MAP4K4: variants seen among roughly 807,000 people sequenced by gnomAD.
MAP4K4 encodes the protein mitogen-activated protein kinase kinase kinase kinase 4, also known as HPK/GCK-like kinase HGK.
In MAP4K4, 38 loss-of-function variants were observed where a neutral mutation model predicts 189.6. That is an observed-to-expected ratio of 0.20 (90% confidence interval 0.15 to 0.26). The LOEUF (loss-of-function observed/expected upper bound fraction) is 0.26, where lower values mean the gene tolerates loss of function less well. Among genes scored for constraint, MAP4K4 ranks in the 10% least tolerant of loss-of-function variants. The pLI is 1.00. For synonymous variants in MAP4K4, 610 were observed against 624.3 expected, an observed-to-expected ratio of 0.98 and a Z score of 0.34; for missense variants, 1,054 against 1,726.9, an observed-to-expected ratio of 0.61 and a Z score of 6.91.
intron 8 of MAP4K4, 130 bp from the exon 9 acceptor site, chr2:101,835,770 A>G (rs1235835882): frequency 3.2e-6 from 2 of 617,148 alleles, no homozygotes; most frequent in African/African-American, 3.7e-5. Context: ...CTAGATGTCT[A>G]GACTGCTTGG....
intron 3 of MAP4K4, among the ~76,000 whole-genome samples, chr2:101,810,229 A>C (rs1036005065): frequency 6.6e-6 from 1 of 152,208 alleles, no homozygotes; most frequent in Non-Finnish European, 1.5e-5. Flanking sequence ...TCTAAGATAC[A>C]TTCCTCAGCA....
intron 2 of MAP4K4, among the ~76,000 whole-genome samples, chr2:101,705,099 C>T (rs2041577793): frequency 6.6e-6 from 1 of 152,124 alleles, no homozygotes; most frequent in Non-Finnish European, 1.5e-5. Context: ...AGTTTTAGGA[C>T]ATCCCGTTTT....
chr2:101,858,667 T>G (rs2097548145), intron 13 of MAP4K4, among the ~76,000 whole-genome samples: 1 of 152,240 alleles, frequency 6.6e-6, no homozygotes, highest in African/African-American at 2.4e-5. Context: ...AATCTTGATT[T>G]CTCTGGGGTT....
intron 3 of MAP4K4, among the ~76,000 whole-genome samples, chr2:101,794,953 A>T (rs184357614): frequency 2.6e-4 from 39 of 152,154 alleles, no homozygotes; most frequent in African/African-American, 8.9e-4. Context: ...TTTCCTGTAG[A>T]CTGGAAATAT....
chr2:101,701,367 G>A (rs2038620515), intron 2 of MAP4K4, among the ~76,000 whole-genome samples: 1 of 152,184 alleles, frequency 6.6e-6, no homozygotes, highest in Non-Finnish European at 1.5e-5. Flanking sequence ...GGGGAGGGGT[G>A]TGTGTGGCAG....
At chr2:101,836,778 T>C (rs1361035188) in intron 9 of MAP4K4, among the ~76,000 whole-genome samples, 1 of 152,176 alleles carries the variant, frequency 6.6e-6, no homozygotes, top group Non-Finnish European at 1.5e-5. Context: ...CACTTTTCCT[T>C]CTCCTTGTAA....
chr2:101,856,077 G>A (rs1327661985), exon 13 of MAP4K4: 6 of 1,551,516 alleles, frequency 3.9e-6, no homozygotes, highest in South Asian at 1.2e-5. Flanking sequence ...GAGAGAAGGC[G>A]CAAAGAAGAA....
At chr2:101,873,596 T>C in intron 24 of MAP4K4, 51 bp from the exon 25 acceptor site, 2 of 966,304 alleles carry the variant, frequency 2.1e-6, no homozygotes, top group Non-Finnish European at 3.3e-6. Context: ...ATTTTTAATG[T>C]TCATTTTTAA....
chr2:101,719,697 C>T lies in MAP4K4; in HGVS notation c.123+21159C>T, dbSNP rs565516927. On this transcript the variant is annotated intron_variant, in intron 2 of 32. Coordinates refer to ENST00000324219, the Ensembl canonical transcript of MAP4K4. ...GTCGTGTTGGAATAGAAAATTCAAG[C>T]GCCTGATTGTGAGAATAAGAGTTCA... Among the ~76,000 whole-genome samples the T allele has an allele frequency of 1.3e-4, 19 of 151,988 alleles. No homozygotes were observed. The South Asian group carries it at 2.7e-3, about 22-fold the overall frequency.
chr2:101,839,028 C>T (rs753178322), intron 9 of MAP4K4, among the ~76,000 whole-genome samples: 1 of 152,060 alleles, frequency 6.6e-6, no homozygotes, highest in Non-Finnish European at 1.5e-5. Flanking sequence ...GCAGATAACC[C>T]CAGAAGAAAG....
chr2:101,861,044 G>A (rs1312524409), intron 16 of MAP4K4, 58 bp downstream of exon 16: 10 of 1,467,346 alleles, frequency 6.8e-6, no homozygotes, highest in Admixed American at 2.2e-5. Context: ...TCGCTGAGCC[G>A]CAGGCCTGCT....
chr2:101,873,543 A>G (rs2098116016), intron 24 of MAP4K4, 104 bp from the exon 25 acceptor site: 2 of 660,070 alleles, frequency 3.0e-6, no homozygotes, highest in Non-Finnish European at 5.3e-6. Flanking sequence ...AATAGAGCAA[A>G]GTATTGGGAA....
intron 2 of MAP4K4, among the ~76,000 whole-genome samples, chr2:101,720,235 A>T (rs1296548050): frequency 2.0e-5 from 3 of 146,652 alleles, no homozygotes; most frequent in African/African-American, 7.6e-5. Context: ...GTGCAGTGGC[A>T]TGACCTCGGC....
At chr2:101,820,150 A>G (rs1277599085) in intron 3 of MAP4K4, among the ~76,000 whole-genome samples, 4 of 152,218 alleles carry the variant, frequency 2.6e-5, no homozygotes, top group Non-Finnish European at 4.4e-5. Context: ...AAAAATATAA[A>G]TGGAACCTAG....
At chr2:101,786,911 TA>T (rs1358474144) in intron 2 of MAP4K4, among the ~76,000 whole-genome samples, 1 of 152,230 alleles carries the variant, frequency 6.6e-6, no homozygotes, top group African/African-American at 2.4e-5. Flanking sequence ...TGGTACTGTG[TA>T]AATAAAGCAA....
At chr2:101,775,211 G>A (rs2083437433) in intron 2 of MAP4K4, among the ~76,000 whole-genome samples, 2 of 151,736 alleles carry the variant, frequency 1.3e-5, no homozygotes. Flanking sequence ...AGTTTCTGGG[G>A]ACAGCTGGCC....
intron 2 of MAP4K4, among the ~76,000 whole-genome samples, chr2:101,772,097 C>T (rs1371329250): frequency 6.6e-6 from 1 of 152,226 alleles, no homozygotes; most frequent in Non-Finnish European, 1.5e-5. Flanking sequence ...TCTGTTGGCT[C>T]AGTGTGTGTT....
At chr2:101,722,877 A>G (rs1189571033) in intron 2 of MAP4K4, among the ~76,000 whole-genome samples, 4 of 152,244 alleles carry the variant, frequency 2.6e-5, no homozygotes, top group Non-Finnish European at 4.4e-5. Flanking sequence ...CTGTAGTAGC[A>G]GTATACAGCA....
At chr2:101,782,216 A>G (rs1054207198) in intron 2 of MAP4K4, among the ~76,000 whole-genome samples, 3 of 152,254 alleles carry the variant, frequency 2.0e-5, no homozygotes, top group Admixed American at 2.0e-4. Context: ...TAACGCAGCT[A>G]TGCAAAATGA....
Sources: allele counts gnomAD v4.1 joint callset (sites outside exome capture counted in the v4.1 genomes callset), GRCh38; gene constraint gnomAD v4.1.1; transcripts MANE v1.5; gene names NCBI Gene and HGNC (gene_info 2026-07-23, HGNC 2026-07-21).